The following KIAA1217 variants were observed in gnomAD, a reference collection of about 807,000 sequenced individuals.
The protein encoded by KIAA1217 is sickle tail protein homolog.
In KIAA1217, 88 loss-of-function variants were observed where a neutral mutation model predicts 163.9. The ratio of observed to expected loss-of-function variants is 0.54; its 90% CI spans 0.45 to 0.64. KIAA1217 has a LOEUF of 0.64. KIAA1217 is among the 30% of genes least tolerant of loss of function. The pLI is 0.00. For missense variants in KIAA1217, 2,372 were observed against 2,475.0 expected (o/e 0.96, Z 0.88); for synonymous variants, 903 against 923.1 (o/e 0.98, Z 0.39).
chr10:24,331,008 A>G (rs1032099403), intron 2 of KIAA1217, among the ~76,000 whole-genome samples: 6 of 151,808 alleles, frequency 4.0e-5, no homozygotes, highest in African/African-American at 1.2e-4. Flanking sequence ...CATTGGCATG[A>G]TCACAGCTCA....
chr10:23,893,710 C>T (rs1323084552), intron 1 of KIAA1217, among the ~76,000 whole-genome samples: 2 of 151,984 alleles, frequency 1.3e-5, no homozygotes, highest in East Asian at 3.9e-4. Flanking sequence ...AGACCAATAT[C>T]CTTGATGAAC....
At chr10:24,364,327 G>A (rs147998928) in intron 2 of KIAA1217, among the ~76,000 whole-genome samples, 3 of 152,270 alleles carry the variant, frequency 2.0e-5, no homozygotes, top group African/African-American at 7.2e-5. Context: ...AGTCAAAGCC[G>A]TAAATCAAGC....
intron 2 of KIAA1217, among the ~76,000 whole-genome samples, chr10:24,281,701 T>C (rs1351333995): frequency 6.6e-6 from 1 of 152,182 alleles, no homozygotes; most frequent in Non-Finnish European, 1.5e-5. Flanking sequence ...AGGGTTAATA[T>C]GTTTTTGGAA....
intron 2 of KIAA1217, among the ~76,000 whole-genome samples, chr10:24,231,275 C>A (rs1230850564): frequency 1.3e-5 from 2 of 152,108 alleles, no homozygotes; most frequent in Non-Finnish European, 2.9e-5. Flanking sequence ...GTGATCGTAC[C>A]ACTGCACTCC....
chr10:24,524,990 G>A (rs2071879206), intron 13 of KIAA1217, among the ~76,000 whole-genome samples: 1 of 151,920 alleles, frequency 6.6e-6, no homozygotes, highest in Non-Finnish European at 1.5e-5. Flanking sequence ...TGGCCTGTAG[G>A]AAGGTGAGAC....
intron 2 of KIAA1217, among the ~76,000 whole-genome samples, chr10:24,258,551 C>T (rs2075395241): frequency 6.6e-6 from 1 of 150,932 alleles, no homozygotes; most frequent in Admixed American, 6.6e-5. Context: ...GCAGACAGCA[C>T]ACAAAAGCAG....
In KIAA1217 at chr10:24,390,528, G is replaced by GGAAA. The variant is rs1183270187; in HGVS notation, c.553+9462_553+9465dup. Among the ~76,000 whole-genome samples, 3 of 133,920 alleles carry GGAAA rather than the reference G, an allele frequency of 2.2e-5. 1 individual carries two copies. The highest frequency in any genetic ancestry group is 8.5e-5 in the African/African-American group (3 of 35,130). The allele number at this position is 133,920 out of a possible 152,430, so 87.9% of individuals were successfully genotyped here. A position where few individuals can be genotyped will look rare whatever the true frequency, so the allele number is the denominator to read the frequency against. On this transcript the variant is annotated intron_variant, in intron 3 of 20. Transcript: ENST00000376454. ...AGGAAGGAAGGAAGGAAGGAAGGAA[G>GGAAA]GAAAATTATGAGGAAATTTCAAAAG... is the stretch of plus-strand genomic sequence containing the variant.
intron 1 of KIAA1217, among the ~76,000 whole-genome samples, chr10:23,799,042 C>A (rs564028668): frequency 6.6e-6 from 1 of 152,280 alleles, no homozygotes; most frequent in East Asian, 1.9e-4. Flanking sequence ...TCTTTCCCAG[C>A]TTCTGGTGGT....
intron 1 of KIAA1217, among the ~76,000 whole-genome samples, chr10:23,883,372 C>G (rs1320892307): frequency 6.6e-6 from 1 of 151,756 alleles, no homozygotes; most frequent in African/African-American, 2.4e-5. Context: ...TTTTTTGCCT[C>G]TTGCTTAAAA....
At chr10:23,991,552 C>T (rs997935869) in intron 1 of KIAA1217, among the ~76,000 whole-genome samples, 1 of 152,082 alleles carries the variant, frequency 6.6e-6, no homozygotes, top group Non-Finnish European at 1.5e-5. Context: ...CTCTATACAC[C>T]GCCCTGGATT....
At chr10:23,838,276 T>C (rs568694077) in intron 1 of KIAA1217, among the ~76,000 whole-genome samples, 1 of 152,314 alleles carries the variant, frequency 6.6e-6, no homozygotes, top group Admixed American at 6.5e-5. Context: ...TGACATCAGG[T>C]TGCCTTTAAG....
intron 2 of KIAA1217, among the ~76,000 whole-genome samples, chr10:24,095,451 C>A (rs543333747): frequency 6.6e-6 from 1 of 152,296 alleles, no homozygotes; most frequent in Non-Finnish European, 1.5e-5. Flanking sequence ...TTACTGCATC[C>A]AATACTGTGA....
intron 5 of KIAA1217, among the ~76,000 whole-genome samples, chr10:24,459,532 A>G (rs1209194424): frequency 6.6e-6 from 1 of 152,158 alleles, no homozygotes; most frequent in Non-Finnish European, 1.5e-5. Context: ...GGCTTTGTAT[A>G]TAGGTAGCTA....
chr10:24,341,084 T>C (rs1010941190), intron 2 of KIAA1217, among the ~76,000 whole-genome samples: 2 of 152,250 alleles, frequency 1.3e-5, no homozygotes, highest in Non-Finnish European at 2.9e-5. Context: ...CAAGTCCATA[T>C]GGATTAGATC....
intron 1 of KIAA1217, among the ~76,000 whole-genome samples, chr10:23,731,021 G>T (rs1314454207): frequency 6.6e-6 from 1 of 152,202 alleles, no homozygotes; most frequent in East Asian, 1.9e-4. Flanking sequence ...AGCACTTCCA[G>T]TTCAATGTTG....
chr10:24,413,368 C>T (rs2057967742), intron 3 of KIAA1217, among the ~76,000 whole-genome samples: 1 of 152,128 alleles, frequency 6.6e-6, no homozygotes, highest in South Asian at 2.1e-4. Context: ...GACAGGGTTT[C>T]ACCATATTGG....
chr10:23,697,406 A>C (rs1272446418), intron 1 of KIAA1217, among the ~76,000 whole-genome samples: 1 of 152,198 alleles, frequency 6.6e-6, no homozygotes, highest in Non-Finnish European at 1.5e-5. Flanking sequence ...AAACACATAT[A>C]TGGAAGACTT....
In KIAA1217 at chr10:24,524,357, G is replaced by A. The variant is rs149633076; in HGVS notation, c.2491G>A (p.Ala831Thr). ...TGATGGGCTCCTGAAAGGCACGGAC[G>A]CAGCCCAAGCCGCACAGTACATGGC... is the stretch of plus-strand genomic sequence containing the variant. ...VTDGLLKGTD[A>T]AQAAQYMAME... The change falls in exon 13 of 21, where the codon GCA becomes ACA. Residue 831 changes from alanine (A) to threonine (T), a missense_variant. Around this residue, in one of 3 missense-constraint regions of KIAA1217, gnomAD observed 1,431 missense variants for 1,470.3 expected, o/e 0.97. Transcript: ENST00000376454. 19 of 1,612,580 alleles carry A rather than the reference G, an allele frequency of 1.2e-5. No individual in the cohort carries two copies. The highest frequency in any genetic ancestry group is 6.7e-5 in the African/African-American group (5 of 74,998).
intron 1 of KIAA1217, among the ~76,000 whole-genome samples, chr10:23,785,586 C>T (rs1296095326): frequency 6.6e-6 from 1 of 152,034 alleles, no homozygotes; most frequent in South Asian, 2.1e-4. Flanking sequence ...CTACAAATAC[C>T]TCACTTTTAA....
Sources: allele counts gnomAD v4.1 joint callset (sites outside exome capture counted in the v4.1 genomes callset), GRCh38; gene constraint gnomAD v4.1.1; regional missense constraint gnomAD v4.1.1; transcripts MANE v1.5; gene names NCBI Gene and HGNC (gene_info 2026-07-23, HGNC 2026-07-21).